The following DAB1 variants were observed in gnomAD, a reference collection of about 807,000 sequenced individuals.
DAB1 encodes the protein DAB adaptor protein 1.
In DAB1, 15 loss-of-function variants were observed where a neutral mutation model predicts 64.6. The observed-to-expected ratio is 0.23, with a 90% CI of 0.16 to 0.36. The LOEUF (loss-of-function observed/expected upper bound fraction) is 0.36. Ranked by LOEUF, DAB1 falls within the 10% of genes least tolerant of loss-of-function variation. The pLI is 1.00. For synonymous variants in DAB1, 235 were observed against 251.9 expected, an observed-to-expected ratio of 0.93 and a Z score of 0.64; for missense variants, 596 against 706.7, an observed-to-expected ratio of 0.84 and a Z score of 1.78.
chr1:58,241,173 C>G (rs926808557), intron 4 of DAB1, among the ~76,000 whole-genome samples: 1 of 152,084 alleles, frequency 6.6e-6, no homozygotes, highest in African/African-American at 2.4e-5. Context: ...TCGAGTCATA[C>G]TCTTTTAAAA....
At chr1:57,590,735 A>AACACACACACAC (rs58957864) in intron 7 of DAB1, among the ~76,000 whole-genome samples, 94 of 132,426 alleles carry the variant, frequency 7.1e-4, no homozygotes, top group African/African-American at 1.0e-3. Context: ...TGTAGTCCGT[A>AACACACACACAC]ACACACACAC....
At chr1:57,009,990 G>A (rs997972292) in intron 14 of DAB1, among the ~76,000 whole-genome samples, 1 of 152,184 alleles carries the variant, frequency 6.6e-6, no homozygotes, top group Non-Finnish European at 1.5e-5. Flanking sequence ...TCTGGGCTTT[G>A]AATTTCACAT....
chr1:57,552,569 G>A (rs1337806456), intron 7 of DAB1, among the ~76,000 whole-genome samples: 2 of 152,194 alleles, frequency 1.3e-5, no homozygotes, highest in African/African-American at 2.4e-5. Context: ...AGATGAGCAG[G>A]GATCGCATCC....
At chr1:57,857,088 G>A (rs1417577982) in intron 1 of DAB1, among the ~76,000 whole-genome samples, 1 of 152,190 alleles carries the variant, frequency 6.6e-6, no homozygotes, top group Non-Finnish European at 1.5e-5. Flanking sequence ...ATGAGATGAT[G>A]CAATGAAGGG....
At chr1:57,550,047 A>T (rs1644897067) in intron 7 of DAB1, among the ~76,000 whole-genome samples, 1 of 152,178 alleles carries the variant, frequency 6.6e-6, no homozygotes, top group African/African-American at 2.4e-5. Flanking sequence ...GGATGCAGAG[A>T]TATGTATAGC....
intron 3 of DAB1, among the ~76,000 whole-genome samples, chr1:58,435,453 A>C (rs1412078404): frequency 6.6e-6 from 1 of 152,154 alleles, no homozygotes; most frequent in Non-Finnish European, 1.5e-5. Context: ...ACATTTTAAC[A>C]GAGAAGCGGT....
At chr1:58,276,481 G>A (rs1394721149) in intron 4 of DAB1, among the ~76,000 whole-genome samples, 1 of 152,124 alleles carries the variant, frequency 6.6e-6, no homozygotes, top group Non-Finnish European at 1.5e-5. Flanking sequence ...GCATTACGAA[G>A]AACTAGTAGA....
intron 9 of DAB1, among the ~76,000 whole-genome samples, chr1:57,053,743 A>C (rs1230692656): frequency 7.3e-6 from 1 of 137,676 alleles, no homozygotes; most frequent in Non-Finnish European, 1.5e-5. Context: ...GCTGGAGTGC[A>C]GTGGCATGAT....
At chr1:57,650,861 G>C (rs1379827354) in intron 6 of DAB1, among the ~76,000 whole-genome samples, 1 of 152,126 alleles carries the variant, frequency 6.6e-6, no homozygotes, top group African/African-American at 2.4e-5. Context: ...TCCCCTGTTT[G>C]TGAGTGCCTC....
intron 7 of DAB1, among the ~76,000 whole-genome samples, chr1:57,485,100 C>G (rs922111120): frequency 6.6e-6 from 1 of 152,210 alleles, no homozygotes; most frequent in East Asian, 1.9e-4. Flanking sequence ...GATCTACAGG[C>G]TTAGCAAAGC....
chr1:58,182,441 T>C, intron 4 of DAB1, among the ~76,000 whole-genome samples: 1 of 151,958 alleles, frequency 6.6e-6, no homozygotes, highest in Non-Finnish European at 1.5e-5. Context: ...CTGTGCTTAA[T>C]GGTGTCCTAT....
intron 5 of DAB1, among the ~76,000 whole-genome samples, chr1:58,005,934 C>A (rs1646576064): frequency 6.6e-6 from 1 of 152,138 alleles, no homozygotes; most frequent in South Asian, 2.1e-4. Flanking sequence ...GGTTAAGAGA[C>A]CCGCCCAAGG....
intron 2 of DAB1, among the ~76,000 whole-genome samples, chr1:57,156,805 C>A (rs1204616080): frequency 6.6e-6 from 1 of 152,338 alleles, no homozygotes; most frequent in South Asian, 2.1e-4. Context: ...TGGCTCTCCT[C>A]TGAATTTAAA....
At chr1:57,611,901 C>A (rs1342816623) in intron 7 of DAB1, among the ~76,000 whole-genome samples, 1 of 152,230 alleles carries the variant, frequency 6.6e-6, no homozygotes, top group Non-Finnish European at 1.5e-5. Flanking sequence ...ACTCGAAATT[C>A]CATACCTGAC....
intron 4 of DAB1, among the ~76,000 whole-genome samples, chr1:58,289,011 A>G (rs78233113): frequency 0.013 from 2,024 of 152,256 alleles, 47 homozygotes; most frequent in African/African-American, 0.047. Flanking sequence ...TAGTTTCCCT[A>G]TCCACCCCCA....
At chr1:57,582,636 G>A (rs188608947) in intron 7 of DAB1, among the ~76,000 whole-genome samples, 1 of 152,332 alleles carries the variant, frequency 6.6e-6, no homozygotes, top group African/African-American at 2.4e-5. Context: ...TGAGCTGATA[G>A]GAGCCTCCTC....
chr1:58,028,085 T>A (rs1646920050), intron 5 of DAB1, among the ~76,000 whole-genome samples: 1 of 152,198 alleles, frequency 6.6e-6, no homozygotes, highest in Admixed American at 6.5e-5. Flanking sequence ...TCATAGAACA[T>A]CAATACACTA....
chr1:58,502,815 T>C (rs1443960139), intron 3 of DAB1, among the ~76,000 whole-genome samples: 4 of 152,222 alleles, frequency 2.6e-5, no homozygotes, highest in Admixed American at 6.5e-5. Context: ...AATATTGCAA[T>C]AGAGTTTTAT....
chr1:57,572,077 A>G (rs539200118), intron 7 of DAB1, among the ~76,000 whole-genome samples: 68 of 152,344 alleles, frequency 4.5e-4, no homozygotes, highest in Non-Finnish European at 7.8e-4. Context: ...ACTAGCAGTA[A>G]AGAAGTGAGG....
Sources: allele counts gnomAD v4.1 joint callset (sites outside exome capture counted in the v4.1 genomes callset), GRCh38; gene constraint gnomAD v4.1.1; transcripts MANE v1.5; gene names NCBI Gene and HGNC (gene_info 2026-07-23, HGNC 2026-07-21).